Variants in CFAP299 observed in about 807,000 individuals in gnomAD.
CFAP299 encodes cilia and flagella associated protein 299, also known as cilia- and flagella-associated protein 299.
Under a neutral mutation model 27.0 loss-of-function variants are expected in CFAP299, and 21 were observed. That is an observed-to-expected ratio of 0.78 (90% CI 0.55 to 1.12). The LOEUF is 1.12. Ranked by LOEUF, CFAP299 falls within the 50% of genes most tolerant of loss-of-function variation. The pLI is 0.00. For synonymous variants in CFAP299, 104 were observed against 98.1 expected (o/e 1.06, Z -0.36); for missense variants, 310 against 276.6 (o/e 1.12, Z -0.86).
At chr4:80,903,091 G>C (rs1280904629) in intron 4 of CFAP299, among the ~76,000 whole-genome samples, 1 of 152,042 alleles carries the variant, frequency 6.6e-6, no homozygotes, top group Admixed American at 6.6e-5. Flanking sequence ...CTAGATCTTT[G>C]GTGAGATAAT....
At chr4:80,322,049 C>T in the CFAP299 span, among the ~76,000 whole-genome samples, 1 of 152,136 alleles carries the variant, frequency 6.6e-6, no homozygotes, top group Admixed American at 6.5e-5. Context: ...AAAGTCAGTA[C>T]CCAGGACTAG....
At position 80,338,204 on chromosome 4, in the gene CFAP299, T is replaced by C. The variant is rs942106018; in HGVS notation, c.111+2325T>C. Among the ~76,000 whole-genome samples, 4 of 152,252 alleles carry C rather than the reference T, an allele frequency of 2.6e-5. No homozygotes were observed. In the East Asian group the frequency reaches 7.7e-4, roughly 29 times the overall value. The stretch of plus-strand genomic sequence containing the variant: ...AACAAAATTGTCGATATTTATCATA[T>C]ACAACATGATGTTTTAAATTATATA... On this transcript the variant is annotated intron_variant, in intron 1 of 5. Transcript: ENST00000358105.
chr4:80,856,467 A>G (rs1297662540), intron 3 of CFAP299, among the ~76,000 whole-genome samples: 1 of 152,014 alleles, frequency 6.6e-6, no homozygotes, highest in Non-Finnish European at 1.5e-5. Context: ...TTTAGACATG[A>G]AGTCCTTGCC....
intron 3 of CFAP299, among the ~76,000 whole-genome samples, chr4:80,770,937 T>G (rs922617044): frequency 4.6e-5 from 7 of 152,186 alleles, no homozygotes; most frequent in African/African-American, 1.4e-4. Context: ...CATGATTTCT[T>G]AAGGGTTCAG....
rs548481432 is a variant in CFAP299 at position 80,807,185 on chromosome 4, A to G, written c.334-62808A>G. On this transcript the variant is annotated intron_variant, in intron 3 of 5. Coordinates refer to ENST00000358105, the MANE Select transcript of CFAP299 (RefSeq NM_152770.3). ...TTATTAAGGAAAGAAGTTCAAATATAAAAACTTATTTAGGAAATGTATAAT... is the reference window on the plus strand; with the variant it reads ...TTATTAAGGAAAGAAGTTCAAATATGAAAACTTATTTAGGAAATGTATAAT... Among the ~76,000 whole-genome samples the G allele has an allele frequency of 9.3e-4, 142 of 152,280 alleles. 2 individuals carry two copies. Among genetic ancestry groups the G allele is most frequent in the African/African-American group, 3.1e-3 (129 of 41,574 alleles).
chr4:80,706,811 G>A (rs927345999), intron 3 of CFAP299, among the ~76,000 whole-genome samples: 2 of 151,816 alleles, frequency 1.3e-5, no homozygotes, highest in African/African-American at 4.8e-5. Context: ...ATACATATGG[G>A]CTCTTAAGAA....
chr4:80,401,676 T>TG (rs769514130), intron 2 of CFAP299, among the ~76,000 whole-genome samples: 2 of 152,162 alleles, frequency 1.3e-5, no homozygotes, highest in Non-Finnish European at 2.9e-5. Context: ...AAGGGAAATG[T>TG]GGGGTCAGAG....
intron 3 of CFAP299, among the ~76,000 whole-genome samples, chr4:80,645,448 A>C (rs990675867): frequency 3.3e-5 from 5 of 152,306 alleles, no homozygotes; most frequent in Middle Eastern, 3.4e-3. Context: ...AATACTCTAC[A>C]ATAAAATATC....
chr4:80,356,094 A>G (rs887349121), intron 1 of CFAP299, among the ~76,000 whole-genome samples: 5 of 104,176 alleles, frequency 4.8e-5, no homozygotes, highest in Non-Finnish European at 7.6e-5. Flanking sequence ...TAAATAGGGA[A>G]TCCTTTCCCC....
At chr4:80,913,409 A>G (rs1482303925) in intron 4 of CFAP299, among the ~76,000 whole-genome samples, 4 of 152,188 alleles carry the variant, frequency 2.6e-5, no homozygotes, top group African/African-American at 9.7e-5. Flanking sequence ...AACATACAAT[A>G]CTATGAAACC....
At chr4:80,776,328 C>G (rs1267790756) in intron 3 of CFAP299, among the ~76,000 whole-genome samples, 1 of 152,042 alleles carries the variant, frequency 6.6e-6, no homozygotes, top group African/African-American at 2.4e-5. Context: ...TTTCTAGCAC[C>G]AGAGAACTTT....
intron 3 of CFAP299, among the ~76,000 whole-genome samples, chr4:80,701,092 T>A (rs1721447132): frequency 6.6e-6 from 1 of 152,058 alleles, no homozygotes; most frequent in Non-Finnish European, 1.5e-5. Flanking sequence ...TTTTAAGCAC[T>A]GTGCTATTTT....
At chr4:80,666,666 A>C (rs965892637) in intron 3 of CFAP299, among the ~76,000 whole-genome samples, 2 of 152,110 alleles carry the variant, frequency 1.3e-5, no homozygotes, top group Non-Finnish European at 2.9e-5. Flanking sequence ...ACCCCCTTTG[A>C]TCTTGCCTTC....
chr4:80,818,099 G>A (rs1018801850), intron 3 of CFAP299, among the ~76,000 whole-genome samples: 9 of 152,068 alleles, frequency 5.9e-5, no homozygotes, highest in East Asian at 5.8e-4. Flanking sequence ...GAGACCATGC[G>A]GCATTTGGTT....
chr4:80,797,039 A>G (rs1727905065), intron 3 of CFAP299, among the ~76,000 whole-genome samples: 1 of 152,128 alleles, frequency 6.6e-6, no homozygotes, highest in Non-Finnish European at 1.5e-5. Context: ...CCTGACCTCC[A>G]TAAGCCCCTA....
At chr4:80,597,091 A>G (rs1737095144) in intron 3 of CFAP299, among the ~76,000 whole-genome samples, 1 of 152,154 alleles carries the variant, frequency 6.6e-6, no homozygotes, top group African/African-American at 2.4e-5. Flanking sequence ...ACCTACAAGT[A>G]AAATTGCTAG....
At chr4:80,704,094 G>A (rs1721677512) in intron 3 of CFAP299, among the ~76,000 whole-genome samples, 2 of 151,636 alleles carry the variant, frequency 1.3e-5, no homozygotes, top group Admixed American at 1.3e-4. Context: ...TCTGGGAAAA[G>A]AGGAGTTTTG....
At chr4:80,862,463 C>T (rs1732442601) in intron 3 of CFAP299, among the ~76,000 whole-genome samples, 1 of 152,138 alleles carries the variant, frequency 6.6e-6, no homozygotes, top group South Asian at 2.1e-4. Context: ...ATGATTCCCC[C>T]TGAGAAATCA....
chr4:80,650,856 CAG>C (rs1740240742), intron 3 of CFAP299, among the ~76,000 whole-genome samples: 1 of 151,930 alleles, frequency 6.6e-6, no homozygotes, highest in East Asian at 1.9e-4. Context: ...CTTTGGGACT[CAG>C]GGGAAAGGAT....
Sources: allele counts gnomAD v4.1 joint callset (sites outside exome capture counted in the v4.1 genomes callset), GRCh38; gene constraint gnomAD v4.1.1; transcripts MANE v1.5; gene names NCBI Gene and HGNC (gene_info 2026-07-23, HGNC 2026-07-21).